The following TNFSF12 variants were observed in gnomAD, a reference collection of about 807,000 sequenced individuals.
TNFSF12 encodes the protein tumor necrosis factor ligand superfamily member 12.
TNFSF12 carries 16 observed loss-of-function variants against 31.2 expected under a neutral mutation model. That is an observed-to-expected ratio of 0.51 (90% confidence interval 0.35 to 0.78). The LOEUF (loss-of-function observed/expected upper bound fraction) is 0.78, where lower values mean the gene tolerates loss of function less well. TNFSF12 is among the 30% of genes least tolerant of loss of function. The pLI, the probability that TNFSF12 is intolerant of heterozygous loss-of-function variation, is 0.01. For synonymous variants in TNFSF12, 150 were observed against 151.4 expected (o/e 0.99, Z 0.07); for missense variants, 324 against 338.8 (o/e 0.96, Z 0.34).
Position 7,550,789 on chromosome 17 carries a change from T to C in TNFSF12, c.284-10T>C, listed in dbSNP as rs747085209. On this transcript the variant is annotated splice_polypyrimidine_tract_variant and intron_variant, in intron 3 of 6. Transcript: ENST00000293825. The surrounding 1 kb of genome is among the most constrained non-coding windows in gnomAD (Gnocchi z 4.4). Reference sequence around the variant, plus strand: ...CCCGCTTTGCTCATCTGTCTTTCCTTGATCCTCAGCACCTAAAGGCCGGAA... The same window carrying C: ...CCCGCTTTGCTCATCTGTCTTTCCTCGATCCTCAGCACCTAAAGGCCGGAA... The C allele has an allele frequency of 1.2e-6, 2 of 1,608,242 alleles. No homozygotes were observed. Among genetic ancestry groups the C allele is most frequent in the South Asian group, 2.2e-5 (2 of 90,920 alleles).
At chr17:7,554,307 CTTTTTTTTTTTTTT>C (rs67090485) in intron 5 of TNFSF12, among the ~76,000 whole-genome samples, 1 of 73,012 alleles carries the variant, frequency 1.4e-5, no homozygotes, top group South Asian at 6.9e-4. Flanking sequence ...TATCCAGACT[CTTTTTTTTTTTTTT>C]TTTTTTTTTT....
At position 7,549,539 on chromosome 17, in the gene TNFSF12, CG is replaced by C; in HGVS notation, c.207+20del. The C allele has an allele frequency of 3.9e-6, 6 of 1,540,148 alleles. No individual in the cohort carries two copies. Among genetic ancestry groups the C allele is most frequent in the Non-Finnish European group, 5.3e-6 (6 of 1,139,766 alleles). ...ACCCGTCGGTGAGTGGGCGTGGGCGCGGTCTGCAGGCTGCTGGGGCATGGGA... is the reference window on the plus strand; with the variant it reads ...ACCCGTCGGTGAGTGGGCGTGGGCGCGTCTGCAGGCTGCTGGGGCATGGGA... On this transcript the variant is annotated intron_variant, in intron 2 of 6. Transcript: ENST00000293825. The surrounding 1 kb of genome is among the most constrained non-coding windows in gnomAD (Gnocchi z 4.1).
At chr17:7,555,984 T>TTTTTTTG (rs2071059773) in intron 5 of TNFSF12, among the ~76,000 whole-genome samples, 1 of 130,982 alleles carries the variant, frequency 7.6e-6, no homozygotes, top group South Asian at 2.5e-4. Flanking sequence ...TTTTTTTTGT[T>TTTTTTTG]TTTTTTTTTT....
At chr17:7,554,184 T>G (rs2071031873) in intron 5 of TNFSF12, among the ~76,000 whole-genome samples, 1 of 152,150 alleles carries the variant, frequency 6.6e-6, no homozygotes. Context: ...TCCTCCCCTC[T>G]GTATAGACCA....
Position 7,557,535 on chromosome 17 carries a change from CT to C in TNFSF12, c.*187del. 1.2e-6 allele frequency: 1 copy of C among 821,774 alleles called. No homozygotes were observed. The highest frequency in any genetic ancestry group is 1.8e-6 in the Non-Finnish European group (1 of 552,032). The allele number at this position is 821,774 out of a possible 1,614,324, so 50.9% of individuals were successfully genotyped here. On this transcript the variant is annotated 3_prime_UTR_variant, in exon 7 of 7. Transcript: ENST00000293825. This position sits in a 1 kb window ranked among gnomAD's most constrained non-coding sequence, Gnocchi z 5.2. ...ATAAATACAGTATTCCCACTCTTAT[CT>C]TACAACTCCCCCACCGCCCACTCTC...
chr17:7,549,919 T>C lies in TNFSF12; in HGVS notation c.208-201T>C, dbSNP rs187565604. The C allele has an allele frequency of 1.2e-5, 8 of 694,294 alleles. No homozygotes were observed. In the Admixed American group the frequency reaches 2.0e-4, roughly 17 times the overall value. The allele number at this position is 694,294 out of a possible 1,614,324, so 43.0% of individuals were successfully genotyped here. A position where few individuals can be genotyped will look rare whatever the true frequency, so the allele number is the denominator to read the frequency against. ...GTGTGTGTGGGTGGGAAAGTGTAGC[T>C]GGTCTAGAGGAAAGGGTGAGGACTG... is the stretch of plus-strand genomic sequence containing the variant. On this transcript the variant is annotated intron_variant, in intron 2 of 6. Transcript: ENST00000293825. The surrounding 1 kb of genome is among the most constrained non-coding windows in gnomAD (Gnocchi z 4.1).
At chr17:7,556,941 A>T in intron 6 of TNFSF12, 39 bp downstream of exon 6, 1 of 1,463,028 alleles carries the variant, frequency 6.8e-7, no homozygotes, top group South Asian at 1.3e-5. Context: ...GCAGTAAGAG[A>T]GTGGCGAAGG....
Position 7,549,960 on chromosome 17 carries a change from C to A in TNFSF12, c.208-160C>A. 1 of 1,028,368 alleles carries A rather than the reference C, an allele frequency of 9.7e-7. No homozygotes were observed. Among genetic ancestry groups the A allele is most frequent in the Non-Finnish European group, 1.4e-6 (1 of 689,776 alleles). 63.7% of individuals were successfully genotyped at this position (1,028,368 alleles called of 1,614,324 possible). A position where few individuals can be genotyped will look rare whatever the true frequency, so the allele number is the denominator to read the frequency against. On this transcript the variant is annotated intron_variant, in intron 2 of 6. Coordinates refer to ENST00000293825, the MANE Select transcript of TNFSF12 (RefSeq NM_003809.3). The surrounding 1 kb of genome is among the most constrained non-coding windows in gnomAD (Gnocchi z 4.1). ...GTGAGGACTGGGGCCTGACTCCCAGCTTCACCTTTGCCCGGGGCCCCAGCT... is the reference window on the plus strand; with the variant it reads ...GTGAGGACTGGGGCCTGACTCCCAGATTCACCTTTGCCCGGGGCCCCAGCT...
chr17:7,549,467 C>G lies in TNFSF12; in HGVS notation c.160-7C>G. The G allele has an allele frequency of 6.6e-7, 1 of 1,519,360 alleles. No homozygotes were observed. 94.1% of individuals were successfully genotyped at this position (1,519,360 alleles called of 1,614,324 possible). On this transcript the variant is annotated splice_region_variant and splice_polypyrimidine_tract_variant and intron_variant, in intron 1 of 6. Transcript: ENST00000293825. The surrounding 1 kb of genome is among the most constrained non-coding windows in gnomAD (Gnocchi z 4.1). ...GGCACAGGGTGACGCTCCCTCCTTC[C>G]CAGCAGGAGCCTGCCCAGGAGGAGC...
chr17:7,557,529 T>G lies in TNFSF12; in HGVS notation c.*179T>G. On this transcript the variant is annotated 3_prime_UTR_variant, in exon 7 of 7. Transcript: ENST00000293825. The surrounding 1 kb of genome is among the most constrained non-coding windows in gnomAD (Gnocchi z 5.2). ...TCCCACATAAATACAGTATTCCCAC[T>G]CTTATCTTACAACTCCCCCACCGCC... 1 of 870,468 alleles carries G rather than the reference T, an allele frequency of 1.1e-6. No homozygotes were observed. The highest frequency in any genetic ancestry group is 2.0e-5 in the South Asian group (1 of 50,370). 53.9% of individuals were successfully genotyped at this position (870,468 alleles called of 1,614,324 possible). A position where few individuals can be genotyped will look rare whatever the true frequency, so the allele number is the denominator to read the frequency against.
chr17:7,553,473 C>A, intron 5 of TNFSF12: 1 of 466,228 alleles, frequency 2.1e-6, no homozygotes, highest in Non-Finnish European at 4.3e-6. Flanking sequence ...TCTGATCTAA[C>A]ATGTACTGAG....
Position 7,550,885 on chromosome 17 carries a change from A to G in TNFSF12, c.337+33A>G. On this transcript the variant is annotated intron_variant, in intron 4 of 6. Transcript: ENST00000293825. The surrounding 1 kb of genome is among the most constrained non-coding windows in gnomAD (Gnocchi z 4.4). ...ATGGGTGAGCCATACCCAGGAGGAG[A>G]GGGGCAGGTGGCAGAGGGTCAGGGC... 1 of 1,613,740 alleles carries G rather than the reference A, an allele frequency of 6.2e-7. No homozygotes were observed. The highest frequency in any genetic ancestry group is 1.1e-5 in the South Asian group (1 of 91,038).
At chr17:7,553,828 G>A (rs2071027488) in intron 5 of TNFSF12, 1 of 1,120,054 alleles carries the variant, frequency 8.9e-7, no homozygotes, top group Non-Finnish European at 1.1e-6. Flanking sequence ...GAGACCAGGT[G>A]GGTTTGTAGA....
chr17:7,555,443 G>C (rs535185079), intron 5 of TNFSF12, among the ~76,000 whole-genome samples: 1 of 152,186 alleles, frequency 6.6e-6, no homozygotes, highest in Non-Finnish European at 1.5e-5. Flanking sequence ...CTAGAGGAGC[G>C]AGATGGGGAT....
Position 7,551,029 on chromosome 17 carries a change from T to G in TNFSF12, c.373+51T>G, listed in dbSNP as rs367997307. The G allele has an allele frequency of 2.5e-6, 4 of 1,610,946 alleles. No individual in the cohort carries two copies. In the African/African-American group the frequency reaches 5.4e-5, roughly 22 times the overall value. ...ACTGGCCTCCTGGGAAAAGGGCCCTTGAAAACCTTTGACCTCCCACTCCCT... is the reference window on the plus strand; with the variant it reads ...ACTGGCCTCCTGGGAAAAGGGCCCTGGAAAACCTTTGACCTCCCACTCCCT... On this transcript the variant is annotated intron_variant, in intron 5 of 6. Coordinates refer to ENST00000293825, the MANE Select transcript of TNFSF12 (RefSeq NM_003809.3).
Position 7,556,121 on chromosome 17 carries a change from C to T in TNFSF12, c.374-657C>T, listed in dbSNP as rs140743173. 1.8e-4 allele frequency among the ~76,000 whole-genome samples: 28 copies of T among 152,000 alleles called. No homozygotes were observed. The East Asian group carries it at 4.4e-3, about 24-fold the overall frequency. On this transcript the variant is annotated intron_variant, in intron 5 of 6. Transcript: ENST00000293825. Reference sequence around the variant, plus strand: ...TCAGCCTCCCATGTAGCTAGGATTACAGGTGCCTGCCACCATGCCCTGCTA... The same window carrying T: ...TCAGCCTCCCATGTAGCTAGGATTATAGGTGCCTGCCACCATGCCCTGCTA...
intron 5 of TNFSF12, among the ~76,000 whole-genome samples, chr17:7,553,396 T>C (rs1424124634): frequency 4.6e-5 from 7 of 152,046 alleles, no homozygotes; most frequent in Non-Finnish European, 8.8e-5. Context: ...AGCAGAGAAA[T>C]AGGCCAGTAG....
chr17:7,549,350 G>C lies in TNFSF12; in HGVS notation c.159+38G>C. ...TGCGCACCCCTTCTTGGGCACATCA[G>C]GAGCTGAGACTGCAGAGGGGCCGCT... is the stretch of plus-strand genomic sequence containing the variant. On this transcript the variant is annotated intron_variant, in intron 1 of 6. Transcript: ENST00000293825. The surrounding 1 kb of genome is among the most constrained non-coding windows in gnomAD (Gnocchi z 4.1). The C allele has an allele frequency of 7.1e-7, 1 of 1,417,580 alleles. No homozygotes were observed. Among genetic ancestry groups the C allele is most frequent in the Non-Finnish European group, 9.3e-7 (1 of 1,076,660 alleles). The allele number at this position is 1,417,580 out of a possible 1,614,324, so 87.8% of individuals were successfully genotyped here.
intron 5 of TNFSF12, chr17:7,553,679 G>A (rs990059229): frequency 1.5e-6 from 2 of 1,303,538 alleles, no homozygotes; most frequent in Non-Finnish European, 2.0e-6. Context: ...TACTGGACAT[G>A]GTCTGCATGA....
Sources: allele counts gnomAD v4.1 joint callset (sites outside exome capture counted in the v4.1 genomes callset), GRCh38; gene constraint gnomAD v4.1.1; non-coding constraint Gnocchi (gnomAD v3.1); transcripts MANE v1.5; gene names NCBI Gene and HGNC (gene_info 2026-07-23, HGNC 2026-07-21).